MESP1: variants seen among roughly 807,000 people sequenced by gnomAD.
The protein encoded by MESP1 is mesoderm posterior protein 1.
In MESP1, 22 loss-of-function variants were observed where a neutral mutation model predicts 15.2. That is an observed-to-expected ratio of 1.45 (90% CI 1.04 to 2.07). The LOEUF is 2.07. Among genes scored for constraint, MESP1 ranks in the 30% most tolerant of loss-of-function variants. The pLI is 0.00. For missense variants in MESP1, 484 were observed against 411.9 expected (o/e 1.17, Z -1.51); for synonymous variants, 216 against 192.6 (o/e 1.12, Z -1.01).
At chr15:89,740,986 A>G in the MESP1 span, among the ~76,000 whole-genome samples, 1 of 151,948 alleles carries the variant, frequency 6.6e-6, no homozygotes, top group Non-Finnish European at 1.5e-5. Context: ...CTAAAAGTAC[A>G]AAAATTAACC....
At chr15:89,749,121 G>T (rs902515869), downstream of MESP1, 5 of 152,148 alleles carry the variant, frequency 3.3e-5, no homozygotes, top group Non-Finnish European at 4.4e-5. Flanking sequence ...CCCGTTTCTT[G>T]CTCCCTGATG....
downstream of MESP1, among the ~76,000 whole-genome samples, chr15:89,747,681 C>G (rs1443912886): frequency 6.6e-6 from 1 of 152,220 alleles, no homozygotes; most frequent in Non-Finnish European, 1.5e-5. Flanking sequence ...CTGGTGATTA[C>G]GCACACAGGT....
At chr15:89,737,826 T>C in the MESP1 span, 2 of 1,537,048 alleles carry the variant, frequency 1.3e-6, no homozygotes, top group Non-Finnish European at 1.8e-6. Flanking sequence ...CCCCACTCTG[T>C]GTCCCCCTCT....
At chr15:89,735,281 TA>T in the MESP1 span, among the ~76,000 whole-genome samples, 1 of 152,202 alleles carries the variant, frequency 6.6e-6, no homozygotes. Flanking sequence ...TTCATTACCA[TA>T]TTATATTTCA....
At chr15:89,743,238 G>C in the MESP1 span, 14 of 1,591,856 alleles carry the variant, frequency 8.8e-6, no homozygotes, top group South Asian at 1.2e-4. Context: ...CTGGGGGCTC[G>C]GGAGCTGGGG....
At chr15:89,749,065 CCAGA>C (rs1968029331), downstream of MESP1, 1 of 152,140 alleles carries the variant, frequency 6.6e-6, no homozygotes. Flanking sequence ...TGACTGTTGC[CCAGA>C]CACCCTGGCT....
rs1164355588 is a variant in MESP1, at chr15:89,750,620, C to T, written c.612G>A (p.Pro204=). The T allele has an allele frequency of 2.2e-6, 3 of 1,387,264 alleles. No individual in the cohort carries two copies. The highest frequency in any genetic ancestry group is 1.7e-5 in the South Asian group (1 of 60,184). 85.9% of individuals were successfully genotyped at this position (1,387,264 alleles called of 1,614,324 possible). Residue 204 remains proline, a synonymous_variant, in exon 1 of 2, where the codon CCG becomes CCA. Transcript: ENST00000300057. ...AVRAGASWGS[P]PACPGARAAP... is the part of the protein sequence containing the mutation. ...CAGCTCGGGCTCCGGGGCAGGCAGG[C>T]GGGGATCCCCAGGACGCCCCGGCGC... is the stretch of plus-strand genomic sequence containing the variant.
chr15:89,740,292 G>T, the MESP1 span, among the ~76,000 whole-genome samples: 1 of 152,116 alleles, frequency 6.6e-6, no homozygotes, highest in Non-Finnish European at 1.5e-5. Flanking sequence ...TAACAGGGGC[G>T]TTCAAGTCCT....
chr15:89,745,268 G>A (rs1318137117), downstream of MESP1, among the ~76,000 whole-genome samples: 1 of 152,282 alleles, frequency 6.6e-6, no homozygotes, highest in Non-Finnish European at 1.5e-5. This position sits in a 1 kb window ranked among gnomAD's most constrained non-coding sequence, Gnocchi z 4.8. Context: ...TTCACAAGGC[G>A]TCTTATGTGC....
chr15:89,749,462 T>C (rs533691862), downstream of MESP1: 1 of 152,394 alleles, frequency 6.6e-6, no homozygotes, highest in South Asian at 2.1e-4. Context: ...CCACAAGAGC[T>C]GAGCGCTGGG....
At chr15:89,738,666 G>C in the MESP1 span, among the ~76,000 whole-genome samples, 6 of 151,532 alleles carry the variant, frequency 4.0e-5, no homozygotes, top group Non-Finnish European at 8.8e-5. Flanking sequence ...CTAAGTGAAG[G>C]GTTCTACCCC....
At chr15:89,733,205 T>C in the MESP1 span, 10 of 1,613,690 alleles carry the variant, frequency 6.2e-6, no homozygotes, top group Non-Finnish European at 7.6e-6. Context: ...CCACCATCAG[T>C]GTGCTTGTTG....
the MESP1 span, among the ~76,000 whole-genome samples, chr15:89,741,692 T>C: frequency 1.3e-5 from 2 of 152,176 alleles, no homozygotes; most frequent in Non-Finnish European, 2.9e-5. Flanking sequence ...TGAAGGAATT[T>C]CTCCAGTGTT....
the MESP1 span, chr15:89,738,073 G>A: frequency 2.9e-5 from 46 of 1,613,328 alleles, no homozygotes; most frequent in East Asian, 3.3e-4. Context: ...GTCCACCGAC[G>A]ATGCTGGAAT....
At chr15:89,747,510 C>T (rs1163963693), downstream of MESP1, among the ~76,000 whole-genome samples, 4 of 152,188 alleles carry the variant, frequency 2.6e-5, no homozygotes, top group Non-Finnish European at 5.9e-5. Flanking sequence ...ACCCCTGTGC[C>T]GGTGCAGTCC....
At position 89,750,561 on chromosome 15, in the gene MESP1, G is replaced by T; in HGVS notation, c.671C>A (p.Ala224Asp). 5.4e-6 allele frequency: 8 copies of T among 1,470,824 alleles called. No individual in the cohort carries two copies. The highest frequency in any genetic ancestry group is 7.2e-6 in the Non-Finnish European group (8 of 1,118,204). The allele number at this position is 1,470,824 out of a possible 1,614,324, so 91.1% of individuals were successfully genotyped here. A position where few individuals can be genotyped will look rare whatever the true frequency, so the allele number is the denominator to read the frequency against. ...PEPRDPPALF[A>D]EAACPEGQAM... The stretch of plus-strand genomic sequence containing the variant: ...CTGCCCTTCAGGGCACGCCGCCTCG[G>T]CGAACAGCGCAGGCGGGTCGCGCGG... The change falls in exon 1 of 2, where the codon GCC (alanine) becomes GAC (aspartate). Residue 224 changes from alanine (A) to aspartate (D), a missense_variant. By Grantham distance (126) the Ala-to-Asp change is moderately radical. Transcript: ENST00000300057.
At position 89,750,049 on chromosome 15, in the gene MESP1, C is replaced by T. The variant is rs1367926116; in HGVS notation, c.*95G>A. 2 of 1,264,638 alleles carry T rather than the reference C, an allele frequency of 1.6e-6. No individual in the cohort carries two copies. Among genetic ancestry groups the T allele is most frequent in the East Asian group, 2.3e-5 (1 of 43,122 alleles). 78.3% of individuals were successfully genotyped at this position (1,264,638 alleles called of 1,614,324 possible). On this transcript the variant is annotated 3_prime_UTR_variant, in exon 2 of 2. Transcript: ENST00000300057. ...TGCCCCCGTCGGGATCGCCCGTGCC[C>T]TCTTCCAGGAAAGGCAGTCTGCCAA...
chr15:89,732,970 C>G, the MESP1 span: 1 of 1,604,510 alleles, frequency 6.2e-7, no homozygotes, highest in Non-Finnish European at 8.5e-7. Context: ...TCCCCTACCC[C>G]GTTTTCTGAC....
At chr15:89,734,857 T>C in the MESP1 span, among the ~76,000 whole-genome samples, 66 of 152,170 alleles carry the variant, frequency 4.3e-4, 1 homozygote, top group African/African-American at 1.4e-3. Context: ...AGAAAAAGAA[T>C]TAACCACATT....
Sources: gnomAD v4.1 joint callset for allele counts (sites outside exome capture counted in the v4.1 genomes callset) on GRCh38, gnomAD v4.1.1 for gene constraint, Gnocchi (gnomAD v3.1) non-coding constraint, MANE v1.5 for transcripts, NCBI Gene and HGNC (gene_info 2026-07-23, HGNC 2026-07-21) for gene names.